DCAF8L2: variants seen among roughly 807,000 people sequenced by gnomAD.
The protein encoded by DCAF8L2 is DDB1 and CUL4 associated factor 8 like 2.
For missense variants in DCAF8L2, 430 were observed against 490.7 expected, an observed-to-expected ratio of 0.88 and a Z score of 1.17; for synonymous variants, 200 against 190.9, an observed-to-expected ratio of 1.05 and a Z score of -0.39.
intron 1 of DCAF8L2, among the ~76,000 whole-genome samples, chrX:27,621,621 C>T (rs1384656499): frequency 3.6e-5 from 4 of 111,033 alleles, no homozygotes; most frequent in South Asian, 3.8e-4. Flanking sequence ...ATTTAAGAAA[C>T]GCAAACGTAC....
chrX:27,529,995 A>G, the DCAF8L2 span, among the ~76,000 whole-genome samples: 1 of 112,125 alleles, frequency 8.9e-6, no homozygotes, highest in Non-Finnish European at 1.9e-5. Flanking sequence ...CACACAGCTT[A>G]GTGAAATTAA....
At chrX:27,665,447 A>G (rs958238652) in intron 2 of DCAF8L2, among the ~76,000 whole-genome samples, 1 of 111,856 alleles carries the variant, frequency 8.9e-6, no homozygotes, top group Non-Finnish European at 1.9e-5. Flanking sequence ...TTGAGATGGA[A>G]TCTATTCCTG....
the DCAF8L2 span, among the ~76,000 whole-genome samples, chrX:27,515,217 A>G: frequency 8.9e-6 from 1 of 112,066 alleles, no homozygotes; most frequent in African/African-American, 3.2e-5. Context: ...ATATTATCCA[A>G]AATTAGAGAT....
chrX:27,476,881 C>T, the DCAF8L2 span, among the ~76,000 whole-genome samples: 27 of 111,396 alleles, frequency 2.4e-4, no homozygotes, highest in Admixed American at 2.5e-3. Context: ...AAATCTTTAC[C>T]AATATATGAA....
chrX:27,499,097 A>G, the DCAF8L2 span, among the ~76,000 whole-genome samples: 2 of 112,271 alleles, frequency 1.8e-5, no homozygotes, highest in Non-Finnish European at 3.8e-5. Context: ...CCAGAGTGGG[A>G]CTGCTGGATC....
At chrX:27,497,514 TTCC>T in the DCAF8L2 span, among the ~76,000 whole-genome samples, 7 of 42,092 alleles carry the variant, frequency 1.7e-4, no homozygotes, top group East Asian at 8.8e-4. Context: ...CTTTCTTTCC[TTCC>T]TTCCTTCCTT....
intron 2 of DCAF8L2, among the ~76,000 whole-genome samples, chrX:27,667,873 T>A (rs766238177): frequency 8.9e-6 from 1 of 112,317 alleles, no homozygotes; most frequent in South Asian, 3.7e-4. Flanking sequence ...ATTTTACATA[T>A]AAAAGGTACA....
the DCAF8L2 span, among the ~76,000 whole-genome samples, chrX:27,493,719 A>G: frequency 2.8e-5 from 1 of 35,144 alleles, no homozygotes; most frequent in Non-Finnish European, 1.2e-4. Context: ...AAAAAAAAAA[A>G]AAAAGAAAAA....
chrX:27,690,946 A>G (rs1246766145), intron 3 of DCAF8L2, among the ~76,000 whole-genome samples: 1 of 111,886 alleles, frequency 8.9e-6, no homozygotes, highest in Non-Finnish European at 1.9e-5. Context: ...GCTCATGTCT[A>G]TTAATATTCC....
chrX:27,522,574 G>A, the DCAF8L2 span, among the ~76,000 whole-genome samples: 2 of 111,398 alleles, frequency 1.8e-5, no homozygotes, highest in Non-Finnish European at 3.8e-5. Flanking sequence ...AAATAAACTG[G>A]ATTTTAATAG....
At chrX:27,733,230 G>A (rs1200674960) in intron 4 of DCAF8L2, among the ~76,000 whole-genome samples, 5 of 111,396 alleles carry the variant, frequency 4.5e-5, no homozygotes, top group Non-Finnish European at 7.5e-5. Flanking sequence ...CATCCTAACA[G>A]GTGTGAGGTG....
chrX:27,514,926 G>A, the DCAF8L2 span, among the ~76,000 whole-genome samples: 4 of 110,855 alleles, frequency 3.6e-5, no homozygotes, highest in South Asian at 7.6e-4. Context: ...TGGTCAGTGG[G>A]TACAACGTTA....
the DCAF8L2 span, chrX:27,517,681 A>G: frequency 2.8e-6 from 2 of 722,011 alleles, no homozygotes; most frequent in Admixed American, 2.2e-5. Flanking sequence ...GCGAGGTGGG[A>G]TGCATTCCAC....
intron 2 of DCAF8L2, among the ~76,000 whole-genome samples, chrX:27,649,753 C>A (rs1929080843): frequency 8.9e-6 from 1 of 111,757 alleles, no homozygotes; most frequent in Non-Finnish European, 1.9e-5. Context: ...CGTAGGTTTT[C>A]TGTTTACTCT....
chrX:27,741,637 G>A (rs535385778), intron 4 of DCAF8L2, among the ~76,000 whole-genome samples: 53 of 111,571 alleles, frequency 4.8e-4, no homozygotes, highest in African/African-American at 1.6e-3. Context: ...AATGATGAGC[G>A]CCACCTCGCT....
chrX:27,606,613 T>A (rs984098476), intron 1 of DCAF8L2, among the ~76,000 whole-genome samples: 5 of 107,401 alleles, frequency 4.7e-5, no homozygotes, highest in African/African-American at 6.8e-5. Context: ...TCAGGCGATC[T>A]GCCTGCCTTG....
the DCAF8L2 span, among the ~76,000 whole-genome samples, chrX:27,529,738 C>A: frequency 8.9e-6 from 1 of 112,010 alleles, no homozygotes; most frequent in Non-Finnish European, 1.9e-5. Context: ...TTGGTCATCA[C>A]ACAAATTGTT....
intron 4 of DCAF8L2, among the ~76,000 whole-genome samples, chrX:27,735,395 C>G (rs764571895): frequency 8.9e-6 from 1 of 112,072 alleles, no homozygotes; most frequent in African/African-American, 3.2e-5. Context: ...TGGGGCTACT[C>G]TCTTGGAAAC....
the DCAF8L2 span, among the ~76,000 whole-genome samples, chrX:27,554,881 A>T: frequency 9.0e-6 from 1 of 111,721 alleles, no homozygotes; most frequent in African/African-American, 3.2e-5. Context: ...ACCAGAACAG[A>T]GGGCACAAGA....
Sources: gnomAD v4.1 joint callset for allele counts (sites outside exome capture counted in the v4.1 genomes callset) on GRCh38, gnomAD v4.1.1 for gene constraint, MANE v1.5 for transcripts, NCBI Gene and HGNC (gene_info 2026-07-23, HGNC 2026-07-21) for gene names.